The following AP1B1 variants were observed in gnomAD, a reference collection of about 807,000 sequenced individuals.
The protein encoded by AP1B1 is AP-1 complex subunit beta-1.
A neutral mutation model predicts 104.3 loss-of-function variants in AP1B1; 36 were observed. The ratio of observed to expected loss-of-function variants is 0.35; its 90% CI spans 0.26 to 0.46. The LOEUF is 0.46. Among genes scored for constraint, AP1B1 ranks in the 20% least tolerant of loss-of-function variants. The pLI is 1.00. For synonymous variants in AP1B1, 504 were observed against 517.5 expected (o/e 0.97, Z 0.35); for missense variants, 901 against 1,247.9 (o/e 0.72, Z 4.19).
Position 29,341,741 on chromosome 22 carries a change from A to G in AP1B1, c.1556T>C (p.Leu519Pro). Reference protein sequence around the residue: ...LATQDSDNPDLRDRGYIYWRL... With the variant: ...LATQDSDNPDPRDRGYIYWRL... Reference sequence around the variant, plus strand: ...CCAGTAGATGTAGCCACGGTCCCGCAGGTCTGGGTTATCTGAGTCCTTGTG... The same window carrying G: ...CCAGTAGATGTAGCCACGGTCCCGCGGGTCTGGGTTATCTGAGTCCTTGTG... Residue 519 changes from leucine (L) to proline (P), a missense_variant, in exon 13 of 23, where the codon CTG becomes CCG. Leu to Pro is a moderately conservative substitution (Grantham distance 98). Around this residue, in one of 3 missense-constraint regions of AP1B1, gnomAD observed 471 missense variants for 696.7 expected, o/e 0.68. Coordinates refer to ENST00000357586, the MANE Select transcript of AP1B1 (RefSeq NM_001127.4). 1 of 1,611,146 alleles carries G rather than the reference A, an allele frequency of 6.2e-7. No homozygotes were observed. Among genetic ancestry groups the G allele is most frequent in the Non-Finnish European group, 8.5e-7 (1 of 1,177,616 alleles).
At position 29,345,515 on chromosome 22, in the gene AP1B1, G is replaced by A. The variant is rs138817092; in HGVS notation, c.1438-3132C>T. 4.4e-3 allele frequency among the ~76,000 whole-genome samples: 639 copies of A among 146,680 alleles called. 4 individuals are homozygous for A. The highest frequency in any genetic ancestry group is 0.015 in the African/African-American group (587 of 39,852). On this transcript the variant is annotated intron_variant, in intron 11 of 22. Transcript: ENST00000357586. ...GCCTCCCAAGTAGCTGGGACTACAGGGGTGTGCCACCACACCCAGCTAATT... is the reference window on the plus strand; with the variant it reads ...GCCTCCCAAGTAGCTGGGACTACAGAGGTGTGCCACCACACCCAGCTAATT...
chr22:29,357,095 G>A (rs1047010776), intron 5 of AP1B1, among the ~76,000 whole-genome samples: 5 of 149,046 alleles, frequency 3.4e-5, no homozygotes, highest in African/African-American at 9.9e-5. Context: ...ATGGAGTTGT[G>A]CTCTGTCGCC....
rs373101993 is a variant in AP1B1 at position 29,330,414 on chromosome 22, C to T, written c.2730G>A (p.Ala910=). 16 of 1,613,606 alleles carry T rather than the reference C, an allele frequency of 9.9e-6. No homozygotes were observed. The highest frequency in any genetic ancestry group is 6.7e-5 in the Admixed American group (4 of 60,006). Reference sequence around the variant, plus strand: ...GGTTGCCCGGCTGGATCCGCAGCTCCGCCAGCACCCAGATGCCGTTGGTCA... The same window carrying T: ...GGTTGCCCGGCTGGATCCGCAGCTCTGCCAGCACCCAGATGCCGTTGGTCA... ...LKLTNGIWVL[A]ELRIQPGNPS... Residue 910 remains alanine (A), a synonymous_variant, in exon 21 of 23, where the codon GCG becomes GCA. Transcript: ENST00000357586.
At chr22:29,352,417 G>A (rs1039837390) in intron 7 of AP1B1, among the ~76,000 whole-genome samples, 4 of 152,216 alleles carry the variant, frequency 2.6e-5, no homozygotes, top group South Asian at 2.1e-4. Flanking sequence ...CTTGGGTGCC[G>A]AAGTCTCAAA....
Position 29,331,935 on chromosome 22 carries a change from C to A in AP1B1, c.2310-19G>T. ...GCCAAAGCTGGGGAGAGAGAAGCCC[C>A]ACAGGGATGGCAGGGGGAGTAGGTG... On this transcript the variant is annotated intron_variant, in intron 17 of 22. Coordinates refer to ENST00000357586, the MANE Select transcript of AP1B1 (RefSeq NM_001127.4). 7 of 1,598,132 alleles carry A rather than the reference C, an allele frequency of 4.4e-6. No individual in the cohort carries two copies. Among genetic ancestry groups the A allele is most frequent in the Non-Finnish European group, 6.0e-6 (7 of 1,172,868 alleles).
rs373107464 is a variant in AP1B1, at chr22:29,356,410, C to T, written c.716+16G>A. 853 of 1,597,484 alleles carry T rather than the reference C, an allele frequency of 5.3e-4. 4 individuals carry two copies. The African/African-American group carries it at 9.1e-3, about 17-fold the overall frequency. On this transcript the variant is annotated intron_variant, in intron 6 of 22. Transcript: ENST00000357586. ...GTCCTCAAGCTGGGCTGGCAAGCAACGGGCAGCCCGCTCACCTCTGGGCCT... is the reference window on the plus strand; with the variant it reads ...GTCCTCAAGCTGGGCTGGCAAGCAATGGGCAGCCCGCTCACCTCTGGGCCT...
In AP1B1 at chr22:29,330,359, C is replaced by A; in HGVS notation, c.2766+19G>T. The stretch of plus-strand genomic sequence containing the variant: ...AAGGGGAGGCTCCAAGGCTGCAGGG[C>A]GGGTGCCGGGGCTCTCACCGTGCAG... On this transcript the variant is annotated intron_variant, in intron 21 of 22. Coordinates refer to ENST00000357586, the MANE Select transcript of AP1B1 (RefSeq NM_001127.4). The A allele has an allele frequency of 1.2e-6, 2 of 1,612,142 alleles. No individual in the cohort carries two copies. The highest frequency in any genetic ancestry group is 1.7e-6 in the Non-Finnish European group (2 of 1,179,368).
Position 29,341,532 on chromosome 22 carries a change from C to G in AP1B1, c.1765G>C (p.Val589Leu), listed in dbSNP as rs149960917. The G allele has an allele frequency of 1.9e-6, 3 of 1,613,746 alleles. No homozygotes were observed. The highest frequency in any genetic ancestry group is 1.7e-5 in the Admixed American group (1 of 59,996). ...SAFVEGGRGV[V>L]HKSLPPRTAS... is the part of the protein sequence containing the mutation. ...GTGCGAGGTGGCAGGCTCTTGTGCA[C>G]GACGCCCCGGCCCCCCTCCACAAAG... The change falls in exon 13 of 23, where the codon GTG (valine) becomes CTG (leucine). Residue 589 changes from valine to leucine, a missense_variant. By Grantham distance (32) the Val-to-Leu change is conservative. Coordinates refer to ENST00000357586, the MANE Select transcript of AP1B1 (RefSeq NM_001127.4).
At chr22:29,342,637 G>C (rs2061731871) in intron 11 of AP1B1, among the ~76,000 whole-genome samples, 1 of 152,232 alleles carries the variant, frequency 6.6e-6, no homozygotes, top group Non-Finnish European at 1.5e-5. Flanking sequence ...AAGTAGGCCA[G>C]GGGCCGCTGC....
intron 22 of AP1B1, chr22:29,329,165 G>T: frequency 2.3e-6 from 3 of 1,289,182 alleles, no homozygotes; most frequent in South Asian, 3.3e-5. Context: ...GTCACGAGCC[G>T]GAGGCTGCCA....
At chr22:29,347,792 G>A (rs545128339) in intron 11 of AP1B1, among the ~76,000 whole-genome samples, 1 of 152,094 alleles carries the variant, frequency 6.6e-6, no homozygotes, top group Non-Finnish European at 1.5e-5. Flanking sequence ...CTCCACAACA[G>A]GAATCTGGCA....
chr22:29,378,970 T>C (rs1323844033), intron 1 of AP1B1, among the ~76,000 whole-genome samples: 2 of 152,134 alleles, frequency 1.3e-5, no homozygotes, highest in African/African-American at 4.8e-5. Context: ...CGTTCTTATA[T>C]TGGCTTTGAG....
Position 29,341,481 on chromosome 22 carries a change from G to T in AP1B1, c.1796+20C>A. Reference sequence around the variant, plus strand: ...GAAGCAGAGTGTGAAGGCGCAGGCCGACTGGCCAGTCTCACTCACGAGGCC... The same window carrying T: ...GAAGCAGAGTGTGAAGGCGCAGGCCTACTGGCCAGTCTCACTCACGAGGCC... On this transcript the variant is annotated intron_variant, in intron 13 of 22. Coordinates refer to ENST00000357586, the MANE Select transcript of AP1B1 (RefSeq NM_001127.4). 1 of 1,602,856 alleles carries T rather than the reference G, an allele frequency of 6.2e-7. No homozygotes were observed. The highest frequency in any genetic ancestry group is 1.1e-5 in the South Asian group (1 of 90,550).
intron 1 of AP1B1, among the ~76,000 whole-genome samples, chr22:29,380,414 C>T (rs1218272553): frequency 6.6e-6 from 1 of 151,682 alleles, no homozygotes; most frequent in Non-Finnish European, 1.5e-5. Flanking sequence ...CCAGAACCCC[C>T]GGGCACACAT....
In AP1B1 at chr22:29,349,396, G is replaced by C. The variant is rs1027284448; in HGVS notation, c.1272-13C>G. 6.2e-7 allele frequency: 1 copy of C among 1,612,782 alleles called. No homozygotes were observed. Among genetic ancestry groups the C allele is most frequent in the Admixed American group, 1.7e-5 (1 of 59,986 alleles). ...CACACTCTCATACCTGGGAGACCAG[G>C]GCACAGTTGGTATGGGAGCCCTCAA... On this transcript the variant is annotated splice_polypyrimidine_tract_variant and intron_variant, in intron 10 of 22. Transcript: ENST00000357586.
chr22:29,383,185 T>G (rs1410001413), intron 1 of AP1B1, among the ~76,000 whole-genome samples: 1 of 152,132 alleles, frequency 6.6e-6, no homozygotes, highest in Non-Finnish European at 1.5e-5. Flanking sequence ...GTCTCTGTCC[T>G]CAGTGTCCCA....
At chr22:29,363,654 A>AT (rs2062086475) in intron 2 of AP1B1, among the ~76,000 whole-genome samples, 1 of 152,108 alleles carries the variant, frequency 6.6e-6, no homozygotes, top group African/African-American at 2.4e-5. Context: ...TCTCAAAAAA[A>AT]AAAAAAGAGG....
In AP1B1 at chr22:29,350,077, G is replaced by A; in HGVS notation, c.1229C>T (p.Ala410Val). 1 of 1,614,182 alleles carries A rather than the reference G, an allele frequency of 6.2e-7. No homozygotes were observed. Among genetic ancestry groups the A allele is most frequent in the Non-Finnish European group, 8.5e-7 (1 of 1,180,018 alleles). The change falls in exon 10 of 23, where the codon GCC (alanine) becomes GTC (valine). Residue 410 changes from alanine (A) to valine (V), a missense_variant. Coordinates refer to ENST00000357586, the MANE Select transcript of AP1B1 (RefSeq NM_001127.4). Reference protein sequence around the residue: ...QTKVNYVVQEAIVVIKDIFRK... With the variant: ...QTKVNYVVQEVIVVIKDIFRK... ...GAAGATGTCCTTGATGACCACGATGGCCTCCTGGACCACATAGTTGACCTT... is the reference window on the plus strand; with the variant it reads ...GAAGATGTCCTTGATGACCACGATGACCTCCTGGACCACATAGTTGACCTT...
intron 6 of AP1B1, among the ~76,000 whole-genome samples, chr22:29,355,361 G>T (rs982522713): frequency 6.6e-6 from 1 of 152,106 alleles, no homozygotes. Context: ...TTGGGAGGCT[G>T]ACGCAGGAGG....
Sources: gnomAD v4.1 joint callset for allele counts (sites outside exome capture counted in the v4.1 genomes callset) on GRCh38, gnomAD v4.1.1 for gene constraint, gnomAD v4.1.1 regional missense constraint, MANE v1.5 for transcripts, NCBI Gene and HGNC (gene_info 2026-07-23, HGNC 2026-07-21) for gene names.